RYR1: variants seen among roughly 807,000 people sequenced by gnomAD.
RYR1 encodes the protein central core disease of muscle.
A neutral mutation model predicts 583.5 loss-of-function variants in RYR1; 342 were observed. The ratio of observed to expected loss-of-function variants is 0.59; its 90% CI spans 0.54 to 0.64. The LOEUF (loss-of-function observed/expected upper bound fraction) is 0.64, where lower values mean the gene tolerates loss of function less well. Ranked by LOEUF, RYR1 falls within the 30% of genes least tolerant of loss-of-function variation. The probability of loss-of-function intolerance (pLI) is 0.00; values close to 1 mark genes in which losing one functional copy is unlikely to be tolerated. For missense variants in RYR1, 6,032 were observed against 6,917.2 expected, an observed-to-expected ratio of 0.87 and a Z score of 4.54; for synonymous variants, 2,791 against 2,822.5, an observed-to-expected ratio of 0.99 and a Z score of 0.35.
chr19:38,441,744 G>C (rs989760133), intron 2 of RYR1, among the ~76,000 whole-genome samples: 1 of 151,552 alleles, frequency 6.6e-6, no homozygotes, highest in Non-Finnish European at 1.5e-5. Context: ...TGATGGGGGG[G>C]AAGTTTCAGA....
chr19:38,486,721 CTT>C (rs2145548644), intron 34 of RYR1, among the ~76,000 whole-genome samples: 1 of 152,308 alleles, frequency 6.6e-6, no homozygotes, highest in African/African-American at 2.4e-5. Flanking sequence ...CCTGTCATCT[CTT>C]TATGTTTATT....
At position 38,575,794 on chromosome 19, in the gene RYR1, C is replaced by G; in HGVS notation, c.14130-125C>G. The G allele has an allele frequency of 8.1e-6, 8 of 992,410 alleles. No homozygotes were observed. In the South Asian group the frequency reaches 1.1e-4, roughly 13 times the overall value. The allele number at this position is 992,410 out of a possible 1,614,324, so 61.5% of individuals were successfully genotyped here. ...CTCCAGCCTGGGCAACAGAGTGAGA[C>G]TCCATCTCAAAAAAAAAGGAAAAAG... On this transcript the variant is annotated intron_variant, in intron 96 of 105. Coordinates refer to ENST00000359596, the MANE Select transcript of RYR1 (RefSeq NM_000540.3).
At position 38,485,976 on chromosome 19, in the gene RYR1, C is replaced by A. The variant is rs199837883; in HGVS notation, c.5321C>A (p.Pro1774Gln). ...GGAGTCACCACTTCGCTGAGGCCCC[C>A]GCATCATTTCTCGCCCCCCTGTTTC... The part of the protein sequence containing the change: ...GVGVTTSLRP[P>Q]HHFSPPCFVA... The change falls in exon 34 of 106, where the codon CCG (proline) becomes CAG (glutamine). Residue 1774 changes from proline (P) to glutamine (Q), a missense_variant. Physicochemically the swap from Pro to Gln is moderately conservative, Grantham distance 76 (BLOSUM62 -1). This residue lies in a region of RYR1 where 2,627 missense variants were observed against 2,961.3 expected (regional missense o/e 0.89). Transcript: ENST00000359596. The A allele has an allele frequency of 6.2e-7, 1 of 1,613,640 alleles. No individual in the cohort carries two copies. Among genetic ancestry groups the A allele is most frequent in the Non-Finnish European group, 8.5e-7 (1 of 1,179,952 alleles).
intron 99 of RYR1, 67 bp downstream of exon 99, chr19:38,578,271 T>C: frequency 6.5e-7 from 1 of 1,534,686 alleles, no homozygotes; most frequent in Non-Finnish European, 8.9e-7. Flanking sequence ...GTTCCCAACG[T>C]CGGGTGTTCC....
rs929579307 is a variant in RYR1, at chr19:38,496,253, A to G, written c.6587A>G (p.Asn2196Ser). The G allele has an allele frequency of 6.2e-7, 1 of 1,613,776 alleles. No individual in the cohort carries two copies. The highest frequency in any genetic ancestry group is 8.5e-7 in the Non-Finnish European group (1 of 1,179,982). Residue 2196 changes from asparagine to serine, a missense_variant, in exon 40 of 106, where the codon AAC becomes AGC. Physicochemically the swap from Asn to Ser is conservative, Grantham distance 46 (BLOSUM62 1). This residue lies in a region of RYR1 where 2,627 missense variants were observed against 2,961.3 expected (regional missense o/e 0.89). Coordinates refer to ENST00000359596, the MANE Select transcript of RYR1 (RefSeq NM_000540.3). This position sits in a 1 kb window ranked among gnomAD's most constrained non-coding sequence, Gnocchi z 4.8. ...MNNKVFYQHPNLMRALGMHET... is the reference protein window; with the variant it reads ...MNNKVFYQHPSLMRALGMHET... Reference sequence around the variant, plus strand: ...AACAAAGTCTTCTACCAACACCCGAACCTGATGAGGGCGCTGGGCATGCAC... The same window carrying G: ...AACAAAGTCTTCTACCAACACCCGAGCCTGATGAGGGCGCTGGGCATGCAC...
In RYR1 at chr19:38,543,521, G is replaced by A. The variant is rs1972293898; in HGVS notation, c.11779-11G>A. 4 of 984,194 alleles carry A rather than the reference G, an allele frequency of 4.1e-6. No homozygotes were observed. Among genetic ancestry groups the A allele is most frequent in the Non-Finnish European group, 6.2e-6 (4 of 645,908 alleles). 61.0% of individuals were successfully genotyped at this position (984,194 alleles called of 1,614,324 possible). A position where few individuals can be genotyped will look rare whatever the true frequency, so the allele number is the denominator to read the frequency against. ...CCCAGCACCCCCTCACACCCTACCC[G>A]CCCCCACCAGGAATCCATCAGCGAC... On this transcript the variant is annotated splice_polypyrimidine_tract_variant and intron_variant, in intron 85 of 105. Coordinates refer to ENST00000359596, the MANE Select transcript of RYR1 (RefSeq NM_000540.3). The surrounding 1 kb of genome is among the most constrained non-coding windows in gnomAD (Gnocchi z 4.4).
chr19:38,567,988 G>T, intron 93 of RYR1, 71 bp downstream of exon 93: 2 of 1,547,496 alleles, frequency 1.3e-6, no homozygotes, highest in South Asian at 2.3e-5. Flanking sequence ...CACCTCTCCT[G>T]CTCACCTTGT....
At chr19:38,446,366 C>A (rs1972940015) in intron 7 of RYR1, 106 bp from the exon 8 acceptor site, 1 of 840,432 alleles carries the variant, frequency 1.2e-6, no homozygotes, top group African/African-American at 1.7e-5. Flanking sequence ...CAAACTCAGC[C>A]CTCAGGTTCC....
chr19:38,523,695 C>A, intron 69 of RYR1: 1 of 637,200 alleles, frequency 1.6e-6, no homozygotes, highest in Non-Finnish European at 2.8e-6. Flanking sequence ...CTCCCCATTA[C>A]CCCATTTCCT....
rs1600865258 is a variant in RYR1, at chr19:38,510,511, C to T, written c.8946C>T (p.Ser2982=). 1 of 1,614,180 alleles carries T rather than the reference C, an allele frequency of 6.2e-7. No individual in the cohort carries two copies. Among genetic ancestry groups the T allele is most frequent in the Non-Finnish European group, 8.5e-7 (1 of 1,180,026 alleles). Residue 2982 remains serine, a synonymous_variant, in exon 59 of 106, where the codon AGC becomes AGT. Coordinates refer to ENST00000359596, the MANE Select transcript of RYR1 (RefSeq NM_000540.3). ...CCCTCCCTACAGAGGCTGTGGTCAG[C>T]AGTGGGCGAGTGGAAAAGTCCCCAC... ...EFIAHLEAVV[S]SGRVEKSPHE...
rs1476982982 is a variant in RYR1 at position 38,561,789 on chromosome 19, C to T, written c.12624+335C>T. 6.6e-6 allele frequency among the ~76,000 whole-genome samples: 1 copy of T among 152,108 alleles called. No individual in the cohort carries two copies. Among genetic ancestry groups the T allele is most frequent in the Non-Finnish European group, 1.5e-5 (1 of 67,992 alleles). On this transcript the variant is annotated intron_variant, in intron 90 of 105. Coordinates refer to ENST00000359596, the MANE Select transcript of RYR1 (RefSeq NM_000540.3). The surrounding 1 kb of genome is among the most constrained non-coding windows in gnomAD (Gnocchi z 4.8). ...GGGAGCTCTGGCAGGCCCTTATAGC[C>T]CTGATGCAGCCCTACCCACACTCTC...
intron 24 of RYR1, among the ~76,000 whole-genome samples, chr19:38,466,855 T>C (rs375505682): frequency 7.2e-5 from 11 of 152,142 alleles, no homozygotes; most frequent in African/African-American, 2.7e-4. Context: ...CAGAAAGGAC[T>C]GACCCCTCCC....
intron 73 of RYR1, chr19:38,528,016 T>C: frequency 1.7e-6 from 1 of 593,238 alleles, no homozygotes; most frequent in Non-Finnish European, 3.0e-6. Flanking sequence ...GGTCTAGGGG[T>C]GGGGCCTAGA....
chr19:38,499,581 G>A lies in RYR1; in HGVS notation c.7028-54G>A, dbSNP rs1970004018. 6.3e-7 allele frequency: 1 copy of A among 1,581,604 alleles called. No individual in the cohort carries two copies. Among genetic ancestry groups the A allele is most frequent in the Non-Finnish European group, 8.6e-7 (1 of 1,168,362 alleles). Reference sequence around the variant, plus strand: ...AGGTGTTGGGTCCTGGGGCTGCATGGGGAGGTCTCTGATGGTGGCTCATGA... The same window carrying A: ...AGGTGTTGGGTCCTGGGGCTGCATGAGGAGGTCTCTGATGGTGGCTCATGA... On this transcript the variant is annotated intron_variant, in intron 43 of 105. Coordinates refer to ENST00000359596, the MANE Select transcript of RYR1 (RefSeq NM_000540.3). The surrounding 1 kb of genome is among the most constrained non-coding windows in gnomAD (Gnocchi z 7.3).
chr19:38,474,179 G>C (rs1380054959), intron 28 of RYR1, among the ~76,000 whole-genome samples: 1 of 152,112 alleles, frequency 6.6e-6, no homozygotes, highest in Admixed American at 6.5e-5. Flanking sequence ...TGTCACAAAT[G>C]TACCCCCCGA....
At chr19:38,502,816 C>A in intron 48 of RYR1, 64 bp from the exon 49 acceptor site, 1 of 1,309,940 alleles carries the variant, frequency 7.6e-7, no homozygotes, top group South Asian at 1.4e-5. Context: ...GGGGGAGGAG[C>A]AGGGGCAGGG....
intron 31 of RYR1, among the ~76,000 whole-genome samples, chr19:38,481,796 AG>A (rs1969023762): frequency 6.6e-6 from 1 of 151,920 alleles, no homozygotes; most frequent in Non-Finnish European, 1.5e-5. Flanking sequence ...TTTTTAAAAA[AG>A]TTAAAATGGG....
chr19:38,580,242 T>C (rs562145686), intron 100 of RYR1, 114 bp downstream of exon 100: 3 of 1,588,214 alleles, frequency 1.9e-6, no homozygotes, highest in East Asian at 2.3e-5. Context: ...CCAGGTGCGC[T>C]GAGCCGGGGG....
rs1323813559 is a variant in RYR1, at chr19:38,499,681, C to A, written c.7074C>A (p.Ile2358=). The stretch of plus-strand genomic sequence containing the variant: ...CCAATGTGGTGGTGCGGCTGCTCAT[C>A]CGGAAGCCTGAGTGCTTCGGACCCG... ...ENANVVVRLL[I]RKPECFGPAL... is the part of the protein sequence containing the mutation. Residue 2358 remains isoleucine, a synonymous_variant, in exon 44 of 106, where the codon ATC becomes ATA. Coordinates refer to ENST00000359596, the MANE Select transcript of RYR1 (RefSeq NM_000540.3). This position sits in a 1 kb window ranked among gnomAD's most constrained non-coding sequence, Gnocchi z 7.3. The A allele has an allele frequency of 3.7e-6, 6 of 1,600,132 alleles. No individual in the cohort carries two copies. Among genetic ancestry groups the A allele is most frequent in the Middle Eastern group, 1.9e-4 (1 of 5,232 alleles).
Sources: gnomAD v4.1 joint callset for allele counts (sites outside exome capture counted in the v4.1 genomes callset) on GRCh38, gnomAD v4.1.1 for gene constraint, gnomAD v4.1.1 regional missense constraint, Gnocchi (gnomAD v3.1) non-coding constraint, MANE v1.5 for transcripts, NCBI Gene and HGNC (gene_info 2026-07-23, HGNC 2026-07-21) for gene names.